The following SLC30A10 variants were observed in gnomAD, a reference collection of about 807,000 sequenced individuals.
SLC30A10 encodes calcium/manganese antiporter SLC30A10.
Under a neutral mutation model 21.7 loss-of-function variants are expected in SLC30A10, and 8 were observed. The ratio of observed to expected loss-of-function variants is 0.37; its 90% CI spans 0.22 to 0.67. The LOEUF (loss-of-function observed/expected upper bound fraction) is 0.67, where lower values mean the gene tolerates loss of function less well. Ranked by LOEUF, SLC30A10 falls within the 30% of genes least tolerant of loss-of-function variation. SLC30A10 has a pLI of 0.58. For synonymous variants in SLC30A10, 272 were observed against 279.4 expected, an observed-to-expected ratio of 0.97 and a Z score of 0.26; for missense variants, 521 against 642.5, an observed-to-expected ratio of 0.81 and a Z score of 2.04.
intron 2 of SLC30A10, among the ~76,000 whole-genome samples, chr1:219,922,783 G>T (rs1239049778): frequency 6.6e-6 from 1 of 152,132 alleles, no homozygotes; most frequent in Admixed American, 6.5e-5. Context: ...TGTTGAGTGG[G>T]TCCTCTGTGC....
At chr1:219,922,160 G>GTGTGTGTGTA (rs1659700736) in intron 2 of SLC30A10, among the ~76,000 whole-genome samples, 1 of 13,186 alleles carries the variant, frequency 7.6e-5, no homozygotes. Flanking sequence ...CTTCTTGTTT[G>GTGTGTGTGTA]TGTGTGTGTG....
rs1468394132 is a variant in SLC30A10 at position 219,914,266 on chromosome 1, G to A, written c.*1183C>T. 6.6e-6 allele frequency: 1 copy of A among 152,140 alleles called. No homozygotes were observed. Among genetic ancestry groups the A allele is most frequent in the Non-Finnish European group, 1.5e-5 (1 of 68,038 alleles). 9.4% of individuals were successfully genotyped at this position (152,140 alleles called of 1,614,324 possible). On this transcript the variant is annotated 3_prime_UTR_variant, in exon 4 of 4. Coordinates refer to ENST00000366926, the MANE Select transcript of SLC30A10 (RefSeq NM_018713.3). The stretch of plus-strand genomic sequence containing the variant: ...CAGATGCTTCTCTACTACCAACATA[G>A]TTTGGTTATGGGTCTGAATCCGATT...
intron 1 of SLC30A10, among the ~76,000 whole-genome samples, chr1:219,934,990 A>G (rs1660027625): frequency 6.6e-6 from 1 of 152,202 alleles, no homozygotes; most frequent in Non-Finnish European, 1.5e-5. Context: ...AACAGGGGAA[A>G]GGGTTAAAGG....
intron 2 of SLC30A10, among the ~76,000 whole-genome samples, chr1:219,920,357 A>G (rs1265121735): frequency 6.6e-6 from 1 of 152,144 alleles, no homozygotes; most frequent in Non-Finnish European, 1.5e-5. Context: ...ACAGTACAAA[A>G]TGCTACCATA....
chr1:219,922,471 T>A (rs1659720554), intron 2 of SLC30A10, among the ~76,000 whole-genome samples: 1 of 151,756 alleles, frequency 6.6e-6, no homozygotes, highest in Non-Finnish European at 1.5e-5. Flanking sequence ...GGAGAAGGCA[T>A]TTCAGACAGA....
rs868322532 is a variant in SLC30A10 at position 219,911,711 on chromosome 1, G to C, written c.*3738C>G. On this transcript the variant is annotated 3_prime_UTR_variant, in exon 4 of 4. Coordinates refer to ENST00000366926, the MANE Select transcript of SLC30A10 (RefSeq NM_018713.3). The stretch of plus-strand genomic sequence containing the variant: ...TTGCCTTTAAAAATATGTTTTTAAA[G>C]AGCAAATTCTGCAGAATTAATTATT... Among the ~76,000 whole-genome samples the C allele has an allele frequency of 6.6e-6, 1 of 152,094 alleles. No individual in the cohort carries two copies. The highest frequency in any genetic ancestry group is 1.9e-4 in the East Asian group (1 of 5,192).
At chr1:219,945,827 G>A (rs1353041980) in intron 1 of SLC30A10, among the ~76,000 whole-genome samples, 1 of 152,148 alleles carries the variant, frequency 6.6e-6, no homozygotes, top group African/African-American at 2.4e-5. Flanking sequence ...TTAAAAGGTG[G>A]AGAACATGAA....
At chr1:219,922,472 T>G (rs1321213067) in intron 2 of SLC30A10, among the ~76,000 whole-genome samples, 1 of 151,784 alleles carries the variant, frequency 6.6e-6, no homozygotes. Context: ...GAGAAGGCAT[T>G]TCAGACAGAA....
At chr1:219,923,826 G>T (rs955145932) in intron 2 of SLC30A10, among the ~76,000 whole-genome samples, 1 of 152,198 alleles carries the variant, frequency 6.6e-6, no homozygotes, top group Non-Finnish European at 1.5e-5. Context: ...TTGGGAGGCC[G>T]AGGCCAGCGG....
intron 1 of SLC30A10, among the ~76,000 whole-genome samples, chr1:219,951,457 C>A (rs1660269979): frequency 1.3e-5 from 2 of 151,486 alleles, no homozygotes; most frequent in African/African-American, 4.8e-5. Context: ...CGCGGTGGCT[C>A]ACGCCTGTAA....
chr1:219,944,015 G>A (rs541008903), intron 1 of SLC30A10, among the ~76,000 whole-genome samples: 7 of 151,474 alleles, frequency 4.6e-5, no homozygotes, highest in African/African-American at 1.7e-4. Flanking sequence ...TAGGAGAATG[G>A]CGTGAACCCA....
At chr1:219,957,477 A>T (rs1370286697) in intron 1 of SLC30A10, among the ~76,000 whole-genome samples, 2 of 152,254 alleles carry the variant, frequency 1.3e-5, no homozygotes, top group Non-Finnish European at 2.9e-5. Flanking sequence ...TTAAAAATTC[A>T]TATGAGCTAT....
intron 1 of SLC30A10, among the ~76,000 whole-genome samples, chr1:219,937,022 T>C (rs1660054278): frequency 6.6e-6 from 1 of 152,206 alleles, no homozygotes; most frequent in Non-Finnish European, 1.5e-5. Flanking sequence ...CTAGTCTTTT[T>C]TTAAAAAAAG....
intron 2 of SLC30A10, among the ~76,000 whole-genome samples, chr1:219,926,079 G>C (rs1464385156): frequency 6.6e-6 from 1 of 151,964 alleles, no homozygotes; most frequent in Non-Finnish European, 1.5e-5. Context: ...AAATTCCCCT[G>C]TTGCCTTTAA....
chr1:219,946,490 C>T (rs1660187555), intron 1 of SLC30A10, among the ~76,000 whole-genome samples: 1 of 152,168 alleles, frequency 6.6e-6, no homozygotes, highest in Admixed American at 6.5e-5. Context: ...TTGGGGGAGA[C>T]TGCCATTCCT....
rs1002509707 is a variant in SLC30A10 at position 219,918,124 on chromosome 1, A to G, written c.958+131T>C. ...AATAGGCTATAAAACATATGATGAC[A>G]TCTCTACCACCTGGTGATTTAAGGT... is the stretch of plus-strand genomic sequence containing the variant. On this transcript the variant is annotated intron_variant, in intron 3 of 3. Coordinates refer to ENST00000366926, the MANE Select transcript of SLC30A10 (RefSeq NM_018713.3). This position sits in a 1 kb window ranked among gnomAD's most constrained non-coding sequence, Gnocchi z 4.4. 106 of 1,218,088 alleles carry G rather than the reference A, an allele frequency of 8.7e-5. No individual in the cohort carries two copies. The African/African-American group carries it at 1.4e-3, about 16-fold the overall frequency. The allele number at this position is 1,218,088 out of a possible 1,614,324, so 75.5% of individuals were successfully genotyped here.
chr1:219,952,497 A>C (rs771154919), intron 1 of SLC30A10, among the ~76,000 whole-genome samples: 17 of 152,174 alleles, frequency 1.1e-4, no homozygotes, highest in Non-Finnish European at 2.5e-4. Flanking sequence ...CAAGTAGAGT[A>C]GAGTCTTTAA....
chr1:219,941,285 C>T (rs923101774), intron 1 of SLC30A10, among the ~76,000 whole-genome samples: 2 of 152,210 alleles, frequency 1.3e-5, no homozygotes, highest in Non-Finnish European at 2.9e-5. Context: ...TTCAAAACAG[C>T]TTCAGCTCAG....
intron 2 of SLC30A10, among the ~76,000 whole-genome samples, chr1:219,921,872 AGTGTGTGTGT>A (rs72517767): frequency 1.5e-4 from 21 of 139,398 alleles, no homozygotes; most frequent in East Asian, 1.3e-3. Context: ...GGTGTCTCTG[AGTGTGTGTGT>A]GTGTGTGTGT....
Sources: gnomAD v4.1 joint callset for allele counts (sites outside exome capture counted in the v4.1 genomes callset) on GRCh38, gnomAD v4.1.1 for gene constraint, Gnocchi (gnomAD v3.1) non-coding constraint, MANE v1.5 for transcripts, NCBI Gene and HGNC (gene_info 2026-07-23, HGNC 2026-07-21) for gene names.